TNS3: variants seen among roughly 807,000 people sequenced by gnomAD.
TNS3 encodes the protein tensin 3.
Under a neutral mutation model 140.9 loss-of-function variants are expected in TNS3, and 45 were observed. The observed-to-expected ratio is 0.32, with a 90% CI of 0.25 to 0.41. The LOEUF (loss-of-function observed/expected upper bound fraction) is 0.41, where lower values mean the gene tolerates loss of function less well. Ranked by LOEUF, TNS3 falls within the 10% of genes least tolerant of loss-of-function variation. TNS3 has a pLI of 1.00. For synonymous variants in TNS3, 815 were observed against 788.4 expected, an observed-to-expected ratio of 1.03 and a Z score of -0.56; for missense variants, 1,716 against 1,906.7, an observed-to-expected ratio of 0.90 and a Z score of 1.86.
intron 20 of TNS3, among the ~76,000 whole-genome samples, chr7:47,312,417 G>A (rs1787156666): frequency 6.6e-6 from 1 of 152,058 alleles, no homozygotes; most frequent in Non-Finnish European, 1.5e-5. Context: ...AAATGTCTTT[G>A]CTGGGGCTGG....
intron 13 of TNS3, among the ~76,000 whole-genome samples, chr7:47,404,883 CAAAAAATAAAAA>C (rs1180289579): frequency 2.0e-5 from 3 of 151,504 alleles, no homozygotes; most frequent in Non-Finnish European, 4.4e-5. Context: ...CACTCAGTCT[CAAAAAATAAAAA>C]TAAAAATAAA....
chr7:47,305,553 G>C (rs201798236), intron 20 of TNS3, among the ~76,000 whole-genome samples: 1 of 152,172 alleles, frequency 6.6e-6, no homozygotes, highest in Non-Finnish European at 1.5e-5. Flanking sequence ...CATCAACATC[G>C]AGCACTATGA....
At position 47,506,949 on chromosome 7, in the gene TNS3, G is replaced by GAAA; in HGVS notation, c.-152-8_-152-6dup. On this transcript the variant is annotated splice_polypyrimidine_tract_variant and splice_region_variant and intron_variant, in intron 2 of 30. Transcript: ENST00000311160. ...TGTGGCAGGAATACTTGCAGGCTGG[G>GAAA]AAAAAAAAAAAGAGAAAGAATGTGT... 1.8e-6 allele frequency: 2 copies of GAAA among 1,126,992 alleles called. No homozygotes were observed. Among genetic ancestry groups the GAAA allele is most frequent in the South Asian group, 1.4e-5 (1 of 70,718 alleles). 69.8% of individuals were successfully genotyped at this position (1,126,992 alleles called of 1,614,324 possible).
chr7:47,469,627 T>C (rs976275312), intron 4 of TNS3, among the ~76,000 whole-genome samples: 2 of 152,126 alleles, frequency 1.3e-5, no homozygotes, highest in African/African-American at 4.8e-5. Context: ...CTATTCACAA[T>C]AGCAAAGACA....
chr7:47,564,635 CAA>C (rs749603752), intron 1 of TNS3, among the ~76,000 whole-genome samples: 2 of 30,222 alleles, frequency 6.6e-5, no homozygotes, highest in African/African-American at 2.5e-4. Context: ...GACTCCGTCT[CAA>C]AAAAAAAAAA....
intron 10 of TNS3, among the ~76,000 whole-genome samples, chr7:47,415,624 C>T (rs1794038780): frequency 6.6e-6 from 1 of 152,248 alleles, no homozygotes; most frequent in African/African-American, 2.4e-5. Context: ...ATGACCCAGG[C>T]CCAGAACCAC....
At chr7:47,372,695 A>T (rs1303356430) in intron 16 of TNS3, among the ~76,000 whole-genome samples, 1 of 152,192 alleles carries the variant, frequency 6.6e-6, no homozygotes, top group African/African-American at 2.4e-5. Context: ...GCAGGGTCTC[A>T]TCGAATCCTG....
chr7:47,380,390 G>T (rs781057749), intron 16 of TNS3, among the ~76,000 whole-genome samples: 23 of 152,198 alleles, frequency 1.5e-4, no homozygotes, highest in Admixed American at 7.9e-4. Context: ...CTTATCTGAG[G>T]CCACCCACGC....
intron 20 of TNS3, among the ~76,000 whole-genome samples, chr7:47,310,762 C>T (rs777701423): frequency 2.6e-5 from 4 of 152,186 alleles, no homozygotes; most frequent in Non-Finnish European, 4.4e-5. Flanking sequence ...ATGTTCCCTG[C>T]CCTGTGTCCA....
At chr7:47,577,414 G>A (rs1021510573) in intron 1 of TNS3, among the ~76,000 whole-genome samples, 15 of 152,296 alleles carry the variant, frequency 9.8e-5, no homozygotes, top group African/African-American at 2.6e-4. Flanking sequence ...CTTGGGGTCC[G>A]AGGAAGCAGC....
At chr7:47,412,573 G>A (rs1793833642) in intron 12 of TNS3, among the ~76,000 whole-genome samples, 2 of 152,256 alleles carry the variant, frequency 1.3e-5, no homozygotes, top group Admixed American at 6.5e-5. Flanking sequence ...AGTGGAGATC[G>A]TGCCAGAGCG....
At chr7:47,305,036 C>T in intron 20 of TNS3, 33 bp from the exon 21 acceptor site, 3 of 1,326,036 alleles carry the variant, frequency 2.3e-6, no homozygotes, top group East Asian at 2.8e-5. Flanking sequence ...AGAGAGACCT[C>T]GGTTGTAGGA....
intron 2 of TNS3, among the ~76,000 whole-genome samples, chr7:47,519,984 T>G (rs892481029): frequency 5.3e-5 from 8 of 151,680 alleles, no homozygotes; most frequent in Non-Finnish European, 8.8e-5. Context: ...CCACCACACC[T>G]GCTAATTTTT....
chr7:47,534,673 A>T (rs915560274), intron 1 of TNS3, among the ~76,000 whole-genome samples: 1 of 152,220 alleles, frequency 6.6e-6, no homozygotes, highest in African/African-American at 2.4e-5. Context: ...ATCTATATAC[A>T]TTTAAGGTAC....
At chr7:47,498,168 CAGA>C (rs1009563007) in intron 3 of TNS3, among the ~76,000 whole-genome samples, 2 of 152,212 alleles carry the variant, frequency 1.3e-5, no homozygotes, top group Admixed American at 1.3e-4. Context: ...AGGTGGGGTT[CAGA>C]AGAAGATTTC....
intron 20 of TNS3, among the ~76,000 whole-genome samples, chr7:47,326,107 T>C (rs771506365): frequency 2.5e-4 from 38 of 152,246 alleles, no homozygotes; most frequent in Non-Finnish European, 5.1e-4. Flanking sequence ...TGTAAAATCC[T>C]GTTTATATGA....
At position 47,361,497 on chromosome 7, in the gene TNS3, TGAGG is replaced by T. The variant is rs549165533; in HGVS notation, c.2281+6864_2281+6867del. ...ACGTTCCCCAACTCTGGAGTTGAAATGAGGTGGGACTGTCTGCCTGTCTCCACTT... is the reference window on the plus strand; with the variant it reads ...ACGTTCCCCAACTCTGGAGTTGAAATTGGGACTGTCTGCCTGTCTCCACTT... On this transcript the variant is annotated intron_variant, in intron 17 of 30. Transcript: ENST00000311160. 8.9e-3 allele frequency among the ~76,000 whole-genome samples: 1,361 copies of T among 152,264 alleles called. 4 individuals carry two copies. The highest frequency in any genetic ancestry group is 0.015 in the Non-Finnish European group (1,041 of 68,008).
At chr7:47,429,103 C>T (rs958200050) in intron 8 of TNS3, among the ~76,000 whole-genome samples, 5 of 152,242 alleles carry the variant, frequency 3.3e-5, no homozygotes, top group Admixed American at 6.5e-5. Flanking sequence ...TACTTCTGCC[C>T]ATTACCTACT....
At position 47,389,175 on chromosome 7, in the gene TNS3, CAGA is replaced by C. The variant is rs200432968; in HGVS notation, c.1024+7622_1024+7624del. Among the ~76,000 whole-genome samples, 159 of 45,352 alleles carry C rather than the reference CAGA, an allele frequency of 3.5e-3. 14 individuals carry two copies. In the East Asian group the frequency reaches 0.044, roughly 13 times the overall value. The allele number at this position is 45,352 out of a possible 152,430, so 29.8% of individuals were successfully genotyped here. ...GAAGAAGCAGAAGAAGCAGCAGAAG[CAGA>C]AGAAGCAGAAGAAGAAGAAGAAGAA... On this transcript the variant is annotated intron_variant, in intron 16 of 30. Transcript: ENST00000311160.
Sources: gnomAD v4.1 joint callset for allele counts (sites outside exome capture counted in the v4.1 genomes callset) on GRCh38, gnomAD v4.1.1 for gene constraint, MANE v1.5 for transcripts, NCBI Gene and HGNC (gene_info 2026-07-23, HGNC 2026-07-21) for gene names.